PTER: variants seen among roughly 807,000 people sequenced by gnomAD.
PTER encodes N-acetyltaurine hydrolase.
In PTER, 38 loss-of-function variants were observed where a neutral mutation model predicts 29.6. That is an observed-to-expected ratio of 1.28 (90% CI 0.99 to 1.68). The LOEUF (loss-of-function observed/expected upper bound fraction) is 1.68, where lower values mean the gene tolerates loss of function less well. Ranked by LOEUF, PTER falls within the 40% of genes most tolerant of loss-of-function variation. PTER has a pLI of 0.00. For synonymous variants in PTER, 172 were observed against 154.5 expected, an observed-to-expected ratio of 1.11 and a Z score of -0.84; for missense variants, 482 against 427.8, an observed-to-expected ratio of 1.13 and a Z score of -1.12.
At chr10:16,480,769 C>G (rs1270743868) in intron 1 of PTER, among the ~76,000 whole-genome samples, 1 of 152,178 alleles carries the variant, frequency 6.6e-6, no homozygotes, top group Non-Finnish European at 1.5e-5. Context: ...GTGAGGAACT[C>G]TCAGTGAAAC....
intron 1 of PTER, among the ~76,000 whole-genome samples, chr10:16,463,718 C>T (rs7900473): frequency 0.61 from 93,112 of 152,016 alleles, 29,441 homozygotes; most frequent in East Asian, 0.81. Flanking sequence ...GCCCGGCCAA[C>T]GCATATTTTC....
At chr10:16,471,132 T>C (rs1177657149) in intron 1 of PTER, among the ~76,000 whole-genome samples, 1 of 152,166 alleles carries the variant, frequency 6.6e-6, no homozygotes, top group Non-Finnish European at 1.5e-5. Context: ...ACAGCTTGAA[T>C]TGAATTAAAA....
chr10:16,472,042 G>A (rs1835074171), intron 1 of PTER, among the ~76,000 whole-genome samples: 4 of 152,082 alleles, frequency 2.6e-5, no homozygotes, highest in Admixed American at 1.3e-4. Context: ...TCAATGAACG[G>A]GCTGGATTTG....
intron 1 of PTER, among the ~76,000 whole-genome samples, chr10:16,442,730 A>G (rs1420501266): frequency 6.6e-6 from 1 of 152,100 alleles, no homozygotes; most frequent in African/African-American, 2.4e-5. Context: ...CTGTAATCCT[A>G]GCACTTTGGG....
At chr10:16,470,977 T>G (rs7068059) in intron 1 of PTER, among the ~76,000 whole-genome samples, 2 of 151,884 alleles carry the variant, frequency 1.3e-5, no homozygotes, top group African/African-American at 4.8e-5. Flanking sequence ...TAACCCCTCA[T>G]ATGAGTGTGT....
chr10:16,481,201 C>T (rs759914384), intron 1 of PTER, among the ~76,000 whole-genome samples: 3 of 152,148 alleles, frequency 2.0e-5, no homozygotes, highest in African/African-American at 4.8e-5. Flanking sequence ...GCTTCTGTGC[C>T]GGTGTATGTG....
chr10:16,493,746 G>A (rs1489353134), intron 3 of PTER, among the ~76,000 whole-genome samples: 4 of 151,562 alleles, frequency 2.6e-5, no homozygotes, highest in Non-Finnish European at 5.9e-5. Context: ...GAGAAAGAAA[G>A]AAGGAAAAAA....
rs960595704 is a variant in PTER at position 16,470,632 on chromosome 10, G to A, written c.-48-13705G>A. ...AAAATACAAAACTTAGCTGGGTGTG[G>A]TGGCGGGTGCCCGTAATCCCAGCTA... is the stretch of plus-strand genomic sequence containing the variant. On this transcript the variant is annotated intron_variant, in intron 1 of 4. Transcript: ENST00000535784. 8.1e-4 allele frequency among the ~76,000 whole-genome samples: 124 copies of A among 152,164 alleles called. 1 individual carries two copies. Among genetic ancestry groups the A allele is most frequent in the Non-Finnish European group, 1.5e-4 (10 of 68,034 alleles).
intron 1 of PTER, among the ~76,000 whole-genome samples, chr10:16,479,470 T>C (rs1835398481): frequency 6.6e-6 from 1 of 151,726 alleles, no homozygotes. Flanking sequence ...ACAATGGAAG[T>C]ATTCAAACAA....
intron 1 of PTER, among the ~76,000 whole-genome samples, chr10:16,448,021 C>T (rs1371393566): frequency 6.6e-6 from 1 of 152,164 alleles, no homozygotes; most frequent in Non-Finnish European, 1.5e-5. Context: ...GGTCAGAAAG[C>T]ACTGAGTTCA....
intron 1 of PTER, among the ~76,000 whole-genome samples, chr10:16,462,420 C>T (rs1373647953): frequency 6.6e-6 from 1 of 151,818 alleles, no homozygotes; most frequent in Non-Finnish European, 1.5e-5. Context: ...ATGATGGTGG[C>T]GTTTGTGTTT....
Position 16,459,723 on chromosome 10 carries a change from G to GTTATTTAT in PTER, c.-49+22704_-49+22711dup, listed in dbSNP as rs749526667. Among the ~76,000 whole-genome samples the GTTATTTAT allele has an allele frequency of 1.8e-3, 277 of 150,980 alleles. 1 individual carries two copies. Among genetic ancestry groups the GTTATTTAT allele is most frequent in the East Asian group, 7.4e-3 (38 of 5,138 alleles). ...ACTTAGATATGCTGTATATTTCAGA[G>GTTATTTAT]TTATTTATTTATTTATTTATTTATT... On this transcript the variant is annotated intron_variant, in intron 1 of 4. Transcript: ENST00000535784.
chr10:16,474,571 A>G (rs1835185619), intron 1 of PTER, among the ~76,000 whole-genome samples: 1 of 152,228 alleles, frequency 6.6e-6, no homozygotes, highest in South Asian at 2.1e-4. Flanking sequence ...ACAGAATAAT[A>G]TAGCCTGGGT....
intron 1 of PTER, among the ~76,000 whole-genome samples, chr10:16,482,634 G>C (rs1480457606): frequency 1.3e-5 from 2 of 152,170 alleles, no homozygotes; most frequent in African/African-American, 4.8e-5. Flanking sequence ...GGAACAGTTT[G>C]AGAGCTTGGA....
At chr10:16,465,709 T>C (rs1288491784) in intron 1 of PTER, among the ~76,000 whole-genome samples, 1 of 152,206 alleles carries the variant, frequency 6.6e-6, no homozygotes, top group Non-Finnish European at 1.5e-5. Flanking sequence ...TATTAGTTCA[T>C]TCTCACACTG....
chr10:16,447,203 C>G (rs527750103), intron 1 of PTER, among the ~76,000 whole-genome samples: 1 of 149,060 alleles, frequency 6.7e-6, no homozygotes, highest in Non-Finnish European at 1.5e-5. Flanking sequence ...TGGGCTCAAG[C>G]GATCCTCCCA....
chr10:16,486,373 G>T lies in PTER; in HGVS notation c.454G>T (p.Glu152Ter), dbSNP rs765454659. 18 of 1,613,658 alleles carry T rather than the reference G, an allele frequency of 1.1e-5. No homozygotes were observed. The South Asian group carries it at 1.9e-4, about 17-fold the overall frequency. ...TTAGCTTACCGATGTCCTTATGAAT[G>T]AAATTCTCCATGGAGCTGATGGAAC... ...VEQLTDVLMN[E>*]ILHGADGTSI... The change falls in exon 3 of 5, where the codon GAA becomes TAA. Residue 152 changes from glutamate (E) to a stop codon, truncating the protein, a stop_gained. Transcript: ENST00000535784. LOFTEE classifies it high-confidence loss of function.
chr10:16,507,382 A>T (rs531507354), intron 4 of PTER, among the ~76,000 whole-genome samples: 5 of 152,222 alleles, frequency 3.3e-5, no homozygotes, highest in Non-Finnish European at 7.4e-5. Context: ...GTTCCCTATG[A>T]TAACAAGAAC....
chr10:16,495,278 C>A (rs1836052845), intron 3 of PTER, among the ~76,000 whole-genome samples: 1 of 150,002 alleles, frequency 6.7e-6, no homozygotes, highest in African/African-American at 2.5e-5. Flanking sequence ...TCAAGCGATT[C>A]TTGTGCCTCA....
Sources: gnomAD v4.1 joint callset for allele counts (sites outside exome capture counted in the v4.1 genomes callset) on GRCh38, gnomAD v4.1.1 for gene constraint, MANE v1.5 for transcripts, NCBI Gene and HGNC (gene_info 2026-07-23, HGNC 2026-07-21) for gene names.